EDIL3: variants seen among roughly 807,000 people sequenced by gnomAD.
The protein encoded by EDIL3 is EGF-like repeat and discoidin I-like domain-containing protein 3.
A neutral mutation model predicts 67.4 loss-of-function variants in EDIL3; 37 were observed. That is an observed-to-expected ratio of 0.55 (90% CI 0.42 to 0.72). EDIL3 has a LOEUF of 0.72. Ranked by LOEUF, EDIL3 falls within the 30% of genes least tolerant of loss-of-function variation. EDIL3 has a pLI of 0.00. For missense variants in EDIL3, 527 were observed against 586.3 expected, an observed-to-expected ratio of 0.90 and a Z score of 1.04; for synonymous variants, 195 against 196.3, an observed-to-expected ratio of 0.99 and a Z score of 0.05.
intron 9 of EDIL3, among the ~76,000 whole-genome samples, chr5:84,052,073 C>G (rs1746350257): frequency 6.6e-6 from 1 of 152,214 alleles, no homozygotes; most frequent in Admixed American, 6.5e-5. Flanking sequence ...GGTGGGGTTA[C>G]CCACAAAGGG....
At chr5:84,181,011 C>T (rs1228923352) in intron 3 of EDIL3, 1 of 152,220 alleles carries the variant, frequency 6.6e-6, no homozygotes, top group Non-Finnish European at 1.5e-5. Flanking sequence ...CTGGTACAAG[C>T]AGCATATGGC....
intron 9 of EDIL3, among the ~76,000 whole-genome samples, chr5:84,017,765 A>G (rs1295390977): frequency 3.3e-5 from 5 of 152,296 alleles, no homozygotes; most frequent in Middle Eastern, 3.4e-3. Flanking sequence ...TTCTTTTTCA[A>G]TGATTACTTA....
intron 9 of EDIL3, among the ~76,000 whole-genome samples, chr5:84,003,808 A>T (rs1027147433): frequency 6.6e-6 from 1 of 152,146 alleles, no homozygotes; most frequent in Non-Finnish European, 1.5e-5. Flanking sequence ...GACAAGATTG[A>T]ACCTGCATAT....
intron 3 of EDIL3, among the ~76,000 whole-genome samples, chr5:84,227,552 T>C (rs1744476036): frequency 6.6e-6 from 1 of 152,084 alleles, no homozygotes; most frequent in Non-Finnish European, 1.5e-5. Flanking sequence ...AGAGCTACTG[T>C]AAGATCCAGC....
chr5:84,058,661 T>G (rs141152991), intron 9 of EDIL3, among the ~76,000 whole-genome samples: 1 of 152,050 alleles, frequency 6.6e-6, no homozygotes, highest in Non-Finnish European at 1.5e-5. Flanking sequence ...GGAAAGGACA[T>G]TGGGAAACAT....
intron 6 of EDIL3, among the ~76,000 whole-genome samples, chr5:84,094,847 TA>T (rs1190482892): frequency 6.6e-6 from 1 of 152,226 alleles, no homozygotes; most frequent in Non-Finnish European, 1.5e-5. Context: ...TATTAAGTTT[TA>T]TAACAAAGAA....
chr5:84,038,241 A>G (rs948498802), intron 9 of EDIL3, among the ~76,000 whole-genome samples: 1 of 151,950 alleles, frequency 6.6e-6, no homozygotes, highest in African/African-American at 2.4e-5. Flanking sequence ...GTCTGCACCC[A>G]GCCTATCTCC....
chr5:84,371,444 TATATATAG>T (rs1315974073), intron 1 of EDIL3, among the ~76,000 whole-genome samples: 99 of 70,126 alleles, frequency 1.4e-3, no homozygotes, highest in Middle Eastern at 0.018. Flanking sequence ...TATATATATA[TATATATAG>T]AGAGAGAGAG....
intron 9 of EDIL3, among the ~76,000 whole-genome samples, chr5:83,987,992 AG>A (rs1745086143): frequency 6.6e-6 from 1 of 151,850 alleles, no homozygotes; most frequent in Non-Finnish European, 1.5e-5. Context: ...ATCCAACGGG[AG>A]TACAGTTAAT....
chr5:83,991,329 T>A (rs1745147125), intron 9 of EDIL3, among the ~76,000 whole-genome samples: 1 of 152,152 alleles, frequency 6.6e-6, no homozygotes, highest in Non-Finnish European at 1.5e-5. Context: ...AGAGGAAGCA[T>A]ATAATGAAAT....
At chr5:84,132,505 T>C (rs1314814653) in intron 5 of EDIL3, among the ~76,000 whole-genome samples, 2 of 65,862 alleles carry the variant, frequency 3.0e-5, no homozygotes, top group African/African-American at 1.1e-4. Context: ...ATATTTTATA[T>C]ATAATATATA....
chr5:84,354,859 T>C (rs1747446178), intron 1 of EDIL3, among the ~76,000 whole-genome samples: 1 of 152,182 alleles, frequency 6.6e-6, no homozygotes, highest in Non-Finnish European at 1.5e-5. Context: ...CATTTTAGTA[T>C]CTGTAGTTTA....
chr5:84,172,588 A>T (rs1748830687), intron 4 of EDIL3, among the ~76,000 whole-genome samples: 1 of 152,016 alleles, frequency 6.6e-6, no homozygotes, highest in Admixed American at 6.5e-5. Flanking sequence ...TCTCAAAAAA[A>T]CAAAACAACA....
chr5:84,374,466 GCTTAC>G (rs1390446295), intron 1 of EDIL3, among the ~76,000 whole-genome samples: 2 of 152,176 alleles, frequency 1.3e-5, no homozygotes, highest in Non-Finnish European at 2.9e-5. Flanking sequence ...AGTGGAAAAT[GCTTAC>G]GAAATTTTAA....
intron 3 of EDIL3, among the ~76,000 whole-genome samples, chr5:84,214,446 A>C (rs1266451579): frequency 6.6e-6 from 1 of 152,068 alleles, no homozygotes; most frequent in East Asian, 1.9e-4. Flanking sequence ...CTAATACAGA[A>C]TACAATGTAA....
At chr5:84,306,661 C>T (rs1016703151) in intron 1 of EDIL3, among the ~76,000 whole-genome samples, 6 of 152,174 alleles carry the variant, frequency 3.9e-5, no homozygotes, top group African/African-American at 1.4e-4. Flanking sequence ...GCAATTCTGT[C>T]CCAGTGCCTC....
chr5:84,254,304 C>T, intron 1 of EDIL3, 92 bp from the exon 2 acceptor site: 1 of 1,385,522 alleles, frequency 7.2e-7, no homozygotes, highest in Non-Finnish European at 9.6e-7. Context: ...GTTCCCTTGG[C>T]AAAGTCAAAA....
intron 9 of EDIL3, among the ~76,000 whole-genome samples, chr5:83,981,791 AT>A (rs1269794316): frequency 1.3e-5 from 2 of 151,866 alleles, no homozygotes; most frequent in Non-Finnish European, 2.9e-5. Flanking sequence ...TTTTATTATC[AT>A]TTTTTATTAT....
At chr5:84,191,168 T>C (rs963535048) in intron 3 of EDIL3, among the ~76,000 whole-genome samples, 1 of 152,062 alleles carries the variant, frequency 6.6e-6, no homozygotes, top group Non-Finnish European at 1.5e-5. Context: ...TTTTGGATAA[T>C]TTTATAATTA....
Sources: gnomAD v4.1 joint callset for allele counts (sites outside exome capture counted in the v4.1 genomes callset) on GRCh38, gnomAD v4.1.1 for gene constraint, MANE v1.5 for transcripts, NCBI Gene and HGNC (gene_info 2026-07-23, HGNC 2026-07-21) for gene names.